NAV2: variants seen among roughly 807,000 people sequenced by gnomAD.
NAV2 encodes the protein neuron navigator 2.
Under a neutral mutation model 223.2 loss-of-function variants are expected in NAV2, and 54 were observed. The ratio of observed to expected loss-of-function variants is 0.24; its 90% confidence interval spans 0.19 to 0.30. The LOEUF is 0.30. NAV2 is among the 10% of genes least tolerant of loss of function. NAV2 has a pLI of 1.00. For synonymous variants in NAV2, 1,279 were observed against 1,239.3 expected (o/e 1.03, Z -0.67); for missense variants, 2,806 against 3,147.5 (o/e 0.89, Z 2.60).
chr11:19,726,987 T>C (rs1028421883), intron 1 of NAV2, among the ~76,000 whole-genome samples: 5 of 152,194 alleles, frequency 3.3e-5, no homozygotes, highest in African/African-American at 1.2e-4. Context: ...ATGGGAGGGA[T>C]GGATGGAGTC....
intron 1 of NAV2, among the ~76,000 whole-genome samples, chr11:19,606,070 C>T (rs889672883): frequency 1.3e-5 from 2 of 152,172 alleles, no homozygotes; most frequent in Non-Finnish European, 2.9e-5. Context: ...TTGAGTTCCA[C>T]TTAAGTGCTC....
At chr11:19,808,410 G>C (rs1038517907) in intron 1 of NAV2, among the ~76,000 whole-genome samples, 1 of 152,200 alleles carries the variant, frequency 6.6e-6, no homozygotes, top group Non-Finnish European at 1.5e-5. Flanking sequence ...ACTGAATTAA[G>C]CAAGTTATCA....
intron 11 of NAV2, among the ~76,000 whole-genome samples, chr11:20,026,039 C>T (rs913879173): frequency 6.6e-6 from 1 of 152,128 alleles, no homozygotes; most frequent in African/African-American, 2.4e-5. Context: ...GGTAAAGGTG[C>T]CCTGATAAGG....
chr11:19,827,406 G>A (rs554063024), intron 1 of NAV2, among the ~76,000 whole-genome samples: 36 of 152,286 alleles, frequency 2.4e-4, no homozygotes, highest in African/African-American at 7.2e-4. Context: ...GTTGTTGACC[G>A]CCTATTTGTT....
At chr11:19,417,491 T>G (rs997483080) in intron 1 of NAV2, among the ~76,000 whole-genome samples, 3 of 152,168 alleles carry the variant, frequency 2.0e-5, no homozygotes, top group African/African-American at 4.8e-5. Context: ...TTTTACACTG[T>G]TGGTGGGATT....
chr11:19,811,764 CTTTTGTGATTTTTATCT>C (rs756521352), intron 1 of NAV2, among the ~76,000 whole-genome samples: 8 of 152,092 alleles, frequency 5.3e-5, no homozygotes, highest in Admixed American at 2.0e-4. Context: ...TGCAGATAGC[CTTTTGTGATTTTTATCT>C]TTTTGTGATT....
chr11:19,768,346 A>G (rs2055406978), intron 1 of NAV2, among the ~76,000 whole-genome samples: 1 of 152,120 alleles, frequency 6.6e-6, no homozygotes, highest in African/African-American at 2.4e-5. Flanking sequence ...CCCATGGTGC[A>G]GTTTGCTGTG....
rs544845704 is a variant in NAV2, at chr11:19,453,127, A to G, written c.75+102100A>G. The stretch of plus-strand genomic sequence containing the variant: ...GGATCATAACTGGGATTGCTACATG[A>G]CATTGCTCATATTCAACTGTCCACT... On this transcript the variant is annotated intron_variant, in intron 1 of 37. Coordinates refer to the NAV2 transcript ENST00000360655. 3.3e-5 allele frequency among the ~76,000 whole-genome samples: 5 copies of G among 152,334 alleles called. No homozygotes were observed. The South Asian group carries it at 1.0e-3, about 32-fold the overall frequency.
At chr11:19,980,432 G>C (rs1833483399) in intron 10 of NAV2, among the ~76,000 whole-genome samples, 3 of 152,204 alleles carry the variant, frequency 2.0e-5, no homozygotes, top group Non-Finnish European at 2.9e-5. Context: ...GGTGTTCTGA[G>C]ATTGAGTTCT....
intron 10 of NAV2, among the ~76,000 whole-genome samples, chr11:19,973,390 G>T (rs188687609): frequency 5.5e-4 from 84 of 152,344 alleles, no homozygotes; most frequent in Admixed American, 4.2e-3. Flanking sequence ...AGCCGTAGCA[G>T]AAATCGCAGG....
chr11:19,380,540 T>A (rs1251250376), intron 1 of NAV2: 2 of 152,254 alleles, frequency 1.3e-5, no homozygotes, highest in Non-Finnish European at 1.5e-5. Context: ...CATGACATTC[T>A]CCATGACAGC....
chr11:19,875,934 C>T (rs78607870), intron 4 of NAV2, among the ~76,000 whole-genome samples: 2 of 151,944 alleles, frequency 1.3e-5, no homozygotes, highest in East Asian at 1.9e-4. Context: ...TCTGAGGAGG[C>T]TGCAGGTAGA....
intron 22 of NAV2, among the ~76,000 whole-genome samples, chr11:20,070,930 G>C (rs951496678): frequency 1.3e-5 from 2 of 152,038 alleles, no homozygotes; most frequent in Non-Finnish European, 1.5e-5. Context: ...CTTCTCAATA[G>C]CAGTCTTCAT....
chr11:19,692,302 T>G (rs1422927495), intron 1 of NAV2, among the ~76,000 whole-genome samples: 1 of 152,268 alleles, frequency 6.6e-6, no homozygotes, highest in Non-Finnish European at 1.5e-5. Context: ...TCTGTTCATA[T>G]GTACCCCCCG....
At chr11:19,399,883 G>A (rs561887552) in intron 1 of NAV2, among the ~76,000 whole-genome samples, 1 of 152,216 alleles carries the variant, frequency 6.6e-6, no homozygotes, top group Admixed American at 6.5e-5. Flanking sequence ...GAGTACGGAA[G>A]AGAAGCCCCT....
chr11:19,934,613 G>A (rs1230577729), intron 7 of NAV2, among the ~76,000 whole-genome samples: 4 of 152,056 alleles, frequency 2.6e-5, no homozygotes, highest in Admixed American at 1.3e-4. Flanking sequence ...GGGTGGGGGC[G>A]GTTTGGTGTC....
chr11:20,037,281 C>A (rs1038941524), intron 12 of NAV2, among the ~76,000 whole-genome samples: 1 of 63,610 alleles, frequency 1.6e-5, no homozygotes, highest in African/African-American at 7.2e-5. Flanking sequence ...TAACCTCTTC[C>A]TTTCTCAGCA....
At chr11:19,647,840 T>C (rs1218509754) in intron 1 of NAV2, among the ~76,000 whole-genome samples, 3 of 152,212 alleles carry the variant, frequency 2.0e-5, no homozygotes, top group Non-Finnish European at 2.9e-5. Flanking sequence ...CTTCAGAGGT[T>C]TAAAAGTTAG....
At chr11:19,934,395 G>C in intron 7 of NAV2, 118 bp downstream of exon 7, 1 of 1,220,094 alleles carries the variant, frequency 8.2e-7, no homozygotes, top group Non-Finnish European at 1.1e-6. Context: ...TAAGTCAGTA[G>C]CTAAGAAACC....
Sources: allele counts gnomAD v4.1 joint callset (sites outside exome capture counted in the v4.1 genomes callset), GRCh38; gene constraint gnomAD v4.1.1; transcripts MANE v1.5; gene names NCBI Gene and HGNC (gene_info 2026-07-23, HGNC 2026-07-21).